MYOZ2: variants seen among roughly 807,000 people sequenced by gnomAD.
MYOZ2 encodes the protein myozenin-2.
MYOZ2 carries 19 observed loss-of-function variants against 25.4 expected under a neutral mutation model. The ratio of observed to expected loss-of-function variants is 0.75; its 90% CI spans 0.52 to 1.10. MYOZ2 has a LOEUF of 1.10. MYOZ2 is among the 50% of genes least tolerant of loss of function. MYOZ2 has a pLI of 0.00. For synonymous variants in MYOZ2, 92 were observed against 106.9 expected (o/e 0.86, Z 0.86); for missense variants, 270 against 317.9 (o/e 0.85, Z 1.15).
At chr4:119,159,922 T>C (rs1232199013) in intron 4 of MYOZ2, among the ~76,000 whole-genome samples, 3 of 152,154 alleles carry the variant, frequency 2.0e-5, no homozygotes, top group African/African-American at 7.2e-5. Context: ...TTAATGAAGT[T>C]CTCTGGTAGC....
chr4:119,156,147 A>G (rs1484319354), intron 3 of MYOZ2, among the ~76,000 whole-genome samples: 1 of 152,052 alleles, frequency 6.6e-6, no homozygotes, highest in East Asian at 1.9e-4. Flanking sequence ...AAAACTTTTT[A>G]TTGGAAGGGG....
chr4:119,175,742 G>C (rs562065989), intron 5 of MYOZ2, among the ~76,000 whole-genome samples: 2 of 144,940 alleles, frequency 1.4e-5, no homozygotes, highest in South Asian at 2.3e-4. Flanking sequence ...ACAGCGTGAG[G>C]CTCCATCTTA....
At chr4:119,157,999 A>G (rs373979626) in intron 3 of MYOZ2, 23 bp from the exon 4 acceptor site, 2 of 1,613,644 alleles carry the variant, frequency 1.2e-6, no homozygotes, top group African/African-American at 2.7e-5. Flanking sequence ...TTTTCAGCAG[A>G]GTTTACTTTT....
chr4:119,169,526 T>A (rs1182140311), intron 5 of MYOZ2, among the ~76,000 whole-genome samples: 1 of 152,256 alleles, frequency 6.6e-6, no homozygotes, highest in Non-Finnish European at 1.5e-5. Flanking sequence ...GTTTAAAATC[T>A]ACCAAGGAAG....
chr4:119,178,467 C>G (rs907842001), intron 5 of MYOZ2, among the ~76,000 whole-genome samples: 1 of 152,172 alleles, frequency 6.6e-6, no homozygotes, highest in Non-Finnish European at 1.5e-5. Flanking sequence ...TCCAAATGGG[C>G]TCCTTTTCCA....
intron 5 of MYOZ2, among the ~76,000 whole-genome samples, chr4:119,176,302 C>A (rs1246541206): frequency 6.6e-6 from 1 of 151,008 alleles, no homozygotes; most frequent in African/African-American, 2.4e-5. Context: ...CTCACTGCAA[C>A]CTCCACCTCC....
chr4:119,153,626 T>C (rs1341540489), intron 3 of MYOZ2, among the ~76,000 whole-genome samples: 1 of 152,128 alleles, frequency 6.6e-6, no homozygotes, highest in Non-Finnish European at 1.5e-5. Flanking sequence ...CTCAGCTTTA[T>C]ATATTTCTTA....
chr4:119,137,992 T>C (rs752067031), intron 2 of MYOZ2, among the ~76,000 whole-genome samples: 11 of 152,188 alleles, frequency 7.2e-5, no homozygotes, highest in Non-Finnish European at 1.5e-4. Context: ...TCAGTCCATT[T>C]AATGTATTCT....
At chr4:119,144,593 A>T (rs1341742734) in intron 2 of MYOZ2, among the ~76,000 whole-genome samples, 1 of 152,216 alleles carries the variant, frequency 6.6e-6, no homozygotes, top group Non-Finnish European at 1.5e-5. Context: ...GTTTCTCCAC[A>T]TCCTCACCAG....
At chr4:119,136,469 AG>A (rs1174225385) in intron 1 of MYOZ2, 42 bp from the exon 2 acceptor site, 4 of 1,504,804 alleles carry the variant, frequency 2.7e-6, no homozygotes, top group Admixed American at 3.4e-5. Context: ...ACTCCAAATG[AG>A]TTCTTCACAT....
chr4:119,156,366 T>TG (rs1253286094), intron 3 of MYOZ2, among the ~76,000 whole-genome samples: 12 of 151,256 alleles, frequency 7.9e-5, no homozygotes, highest in Admixed American at 3.3e-4. Flanking sequence ...GTGGTTTGGT[T>TG]TTAAGCTTAG....
chr4:119,157,858 G>A (rs561334564), intron 3 of MYOZ2, among the ~76,000 whole-genome samples, 164 bp from the exon 4 acceptor site: 92 of 152,174 alleles, frequency 6.0e-4, no homozygotes, highest in African/African-American at 2.1e-3. Context: ...TCATTCAAGT[G>A]CGCAACCATC....
At chr4:119,150,134 A>G (rs948374497) in intron 2 of MYOZ2, among the ~76,000 whole-genome samples, 1 of 152,182 alleles carries the variant, frequency 6.6e-6, no homozygotes, top group Non-Finnish European at 1.5e-5. Flanking sequence ...GAAATAGGAA[A>G]TAACACTCAT....
chr4:119,152,705 A>G (rs1015595201), intron 3 of MYOZ2, among the ~76,000 whole-genome samples: 1 of 152,128 alleles, frequency 6.6e-6, no homozygotes, highest in African/African-American at 2.4e-5. Flanking sequence ...AATGACCCCA[A>G]ACAGGTTTAT....
At chr4:119,154,611 G>T (rs911026707) in intron 3 of MYOZ2, among the ~76,000 whole-genome samples, 1 of 152,136 alleles carries the variant, frequency 6.6e-6, no homozygotes, top group South Asian at 2.1e-4. Flanking sequence ...GTAAGTTTAG[G>T]TGAAATTCAT....
At chr4:119,158,531 G>C (rs1174088633) in intron 4 of MYOZ2, among the ~76,000 whole-genome samples, 1 of 152,040 alleles carries the variant, frequency 6.6e-6, no homozygotes, top group Non-Finnish European at 1.5e-5. Flanking sequence ...CATCCAGCCT[G>C]GGTAACAGAG....
chr4:119,158,283 C>T, intron 4 of MYOZ2, 132 bp downstream of exon 4: 2 of 1,267,288 alleles, frequency 1.6e-6, no homozygotes, highest in South Asian at 2.8e-5. Flanking sequence ...TTTTGGGCCC[C>T]AGGCACGGTG....
At chr4:119,169,727 A>AG (rs772200715) in intron 5 of MYOZ2, among the ~76,000 whole-genome samples, 17 of 152,186 alleles carry the variant, frequency 1.1e-4, no homozygotes, top group Non-Finnish European at 1.2e-4. Flanking sequence ...TCCAGGGAGG[A>AG]GGGGTCTTGG....
intron 2 of MYOZ2, 110 bp downstream of exon 2, chr4:119,136,711 G>T: frequency 5.0e-6 from 6 of 1,192,610 alleles, no homozygotes; most frequent in Non-Finnish European, 6.1e-6. Flanking sequence ...TTGCTGTTCT[G>T]TCATAACAAA....
Sources: gnomAD v4.1 joint callset for allele counts (sites outside exome capture counted in the v4.1 genomes callset) on GRCh38, gnomAD v4.1.1 for gene constraint, MANE v1.5 for transcripts, NCBI Gene and HGNC (gene_info 2026-07-23, HGNC 2026-07-21) for gene names.